STAM: variants seen among roughly 807,000 people sequenced by gnomAD.
The protein encoded by STAM is signal transducing adapter molecule 1.
Under a neutral mutation model 63.4 loss-of-function variants are expected in STAM, and 16 were observed. That is an observed-to-expected ratio of 0.25 (90% CI 0.17 to 0.38). STAM has a LOEUF of 0.38. STAM is among the 10% of genes least tolerant of loss of function. The pLI, the probability that STAM is intolerant of heterozygous loss-of-function variation, is 1.00. For synonymous variants in STAM, 238 were observed against 223.9 expected (o/e 1.06, Z -0.56); for missense variants, 636 against 657.1 (o/e 0.97, Z 0.35).
At position 17,691,906 on chromosome 10, in the gene STAM, A is replaced by T. The variant is rs151234858; in HGVS notation, c.445-1316A>T. 7.6e-4 allele frequency among the ~76,000 whole-genome samples: 116 copies of T among 152,334 alleles called. 1 individual carries two copies. Among genetic ancestry groups the T allele is most frequent in the Admixed American group, 3.3e-3 (50 of 15,310 alleles). ...GTTAATATTTGATGTAAAATATAGC[A>T]ACTTTGCATCTGTAGAGGTCTGTTT... On this transcript the variant is annotated intron_variant, in intron 5 of 13. Coordinates refer to ENST00000377524, the MANE Select transcript of STAM (RefSeq NM_003473.4).
chr10:17,662,552 A>G (rs1834214400), intron 2 of STAM, among the ~76,000 whole-genome samples: 3 of 152,214 alleles, frequency 2.0e-5, no homozygotes, highest in Non-Finnish European at 4.4e-5. Context: ...AGATTTGTAG[A>G]ATGAATGGTC....
chr10:17,703,008 C>CAAAAAAAAAAA (rs71507229), intron 9 of STAM, among the ~76,000 whole-genome samples: 15 of 67,758 alleles, frequency 2.2e-4, no homozygotes, highest in Non-Finnish European at 3.6e-4. Context: ...GACTCCATCT[C>CAAAAAAAAAAA]AAAAAAAAAA....
intron 4 of STAM, among the ~76,000 whole-genome samples, chr10:17,686,535 C>T (rs898570236): frequency 6.6e-6 from 1 of 152,096 alleles, no homozygotes; most frequent in Non-Finnish European, 1.5e-5. Context: ...CGCCACCACG[C>T]CTGGCTGGTT....
Position 17,644,242 on chromosome 10 carries a change from T to C in STAM, c.-98T>C. The C allele has an allele frequency of 7.5e-7, 1 of 1,332,682 alleles. No homozygotes were observed. The highest frequency in any genetic ancestry group is 1.1e-6 in the Non-Finnish European group (1 of 931,852). The allele number at this position is 1,332,682 out of a possible 1,614,324, so 82.6% of individuals were successfully genotyped here. A position where few individuals can be genotyped will look rare whatever the true frequency, so the allele number is the denominator to read the frequency against. On this transcript the variant is annotated 5_prime_UTR_variant, in exon 1 of 14. Transcript: ENST00000377524. ...GCGGACCCTGTAGAGTCGGTCTCTG[T>C]TGCTCTTTTTGCCTGAGGAGTCTTC...
At chr10:17,664,009 ATATAT>A (rs1834278139) in intron 2 of STAM, among the ~76,000 whole-genome samples, 1 of 152,024 alleles carries the variant, frequency 6.6e-6, no homozygotes, top group Admixed American at 6.6e-5. Flanking sequence ...TTAAGGAAAA[ATATAT>A]TAGTATTATA....
intron 6 of STAM, 25 bp from the exon 7 acceptor site, chr10:17,695,024 T>C: frequency 1.2e-6 from 2 of 1,605,420 alleles, no homozygotes; most frequent in Non-Finnish European, 1.7e-6. Flanking sequence ...ACATTTTGGG[T>C]CTTTAAAAAC....
rs577831311 is a variant in STAM at position 17,654,987 on chromosome 10, C to T, written c.41-5477C>T. On this transcript the variant is annotated intron_variant, in intron 1 of 13. Coordinates refer to ENST00000377524, the MANE Select transcript of STAM (RefSeq NM_003473.4). Reference sequence around the variant, plus strand: ...CTTCTTTTCTGTTTTGATGACTTTACTTTTTACTTTATTCACTTAATTAGA... The same window carrying T: ...CTTCTTTTCTGTTTTGATGACTTTATTTTTTACTTTATTCACTTAATTAGA... Among the ~76,000 whole-genome samples, 4 of 152,272 alleles carry T rather than the reference C, an allele frequency of 2.6e-5. No individual in the cohort carries two copies. In the South Asian group the frequency reaches 8.3e-4, roughly 32 times the overall value.
chr10:17,683,913 C>G (rs142490294), intron 2 of STAM, among the ~76,000 whole-genome samples: 1 of 152,224 alleles, frequency 6.6e-6, no homozygotes, highest in East Asian at 1.9e-4. Context: ...GAGTATTGGA[C>G]TTTATTTTTT....
At chr10:17,665,902 TAGTGA>T (rs1200636996) in intron 2 of STAM, among the ~76,000 whole-genome samples, 1 of 152,162 alleles carries the variant, frequency 6.6e-6, no homozygotes, top group Non-Finnish European at 1.5e-5. Context: ...TGTGAGTAAC[TAGTGA>T]AGAATGCCCA....
chr10:17,678,977 A>G (rs1367043042), intron 2 of STAM, among the ~76,000 whole-genome samples: 1 of 152,328 alleles, frequency 6.6e-6, no homozygotes, highest in African/African-American at 2.4e-5. Flanking sequence ...TTAAGGCTGA[A>G]TACTATTCCA....
chr10:17,713,346 C>G (rs1348582457), intron 13 of STAM, among the ~76,000 whole-genome samples: 13 of 152,184 alleles, frequency 8.5e-5, no homozygotes, highest in African/African-American at 3.1e-4. Flanking sequence ...ATGCGTATTT[C>G]TCCTCCGTAC....
Position 17,644,283 on chromosome 10 carries a change from T to C in STAM, c.-57T>C, listed in dbSNP as rs375313229. The C allele has an allele frequency of 2.3e-4, 364 of 1,599,322 alleles. 3 individuals carry two copies. The highest frequency in any genetic ancestry group is 2.0e-3 in the Middle Eastern group (12 of 6,028). On this transcript the variant is annotated 5_prime_UTR_variant, in exon 1 of 14. Transcript: ENST00000377524. ...AGGAGTCTTCCATCCTACGTCGAGC[T>C]CTGACTCCCGTGCTGTCGAGAGGGA...
At position 17,673,859 on chromosome 10, in the gene STAM, A is replaced by G. The variant is rs921568944; in HGVS notation, c.126-10816A>G. 2.6e-5 allele frequency among the ~76,000 whole-genome samples: 4 copies of G among 152,320 alleles called. No homozygotes were observed. In the South Asian group the frequency reaches 8.3e-4, roughly 32 times the overall value. On this transcript the variant is annotated intron_variant, in intron 2 of 13. Coordinates refer to ENST00000377524, the MANE Select transcript of STAM (RefSeq NM_003473.4). The stretch of plus-strand genomic sequence containing the variant: ...ACTATTATCTGACAGATTTAGTTCA[A>G]TATTTGAGTTTGCAGGAGGAATACC...
At chr10:17,674,616 A>G (rs1185032236) in intron 2 of STAM, among the ~76,000 whole-genome samples, 2 of 152,222 alleles carry the variant, frequency 1.3e-5, no homozygotes, top group Non-Finnish European at 2.9e-5. Context: ...AATGTACTCC[A>G]CATGGCTTCT....
intron 1 of STAM, among the ~76,000 whole-genome samples, chr10:17,648,182 G>C (rs1554821124): frequency 1.3e-5 from 2 of 152,176 alleles, no homozygotes; most frequent in African/African-American, 4.8e-5. Context: ...TGGACTTCCT[G>C]GGTCAAGTGG....
chr10:17,658,569 G>A (rs1036617908), intron 1 of STAM, among the ~76,000 whole-genome samples: 2 of 152,058 alleles, frequency 1.3e-5, no homozygotes, highest in African/African-American at 4.8e-5. Context: ...GGAGTGCAGT[G>A]GTGCAATCTT....
At chr10:17,707,241 C>G (rs1171468463) in intron 12 of STAM, among the ~76,000 whole-genome samples, 2 of 152,010 alleles carry the variant, frequency 1.3e-5, no homozygotes, top group African/African-American at 2.4e-5. Context: ...AACCCTGTCT[C>G]TGCTCAAAAT....
In STAM at chr10:17,686,006, TAGTTCCAGGTTACAGTAGAAAAATAGC is replaced by T. The variant is rs1282977131; in HGVS notation, c.297+1083_297+1109del. ...GCCTCATGTTTTTGGGAAAAATGAATAGTTCCAGGTTACAGTAGAAAAATAGCAGTATAGAAATATAGTAAGAATGTA... is the reference window on the plus strand; with the variant it reads ...GCCTCATGTTTTTGGGAAAAATGAATAGTATAGAAATATAGTAAGAATGTA... On this transcript the variant is annotated intron_variant, in intron 4 of 13. Coordinates refer to ENST00000377524, the MANE Select transcript of STAM (RefSeq NM_003473.4). Among the ~76,000 whole-genome samples the T allele has an allele frequency of 2.2e-4, 34 of 152,312 alleles. 2 individuals carry two copies. In the South Asian group the frequency reaches 6.8e-3, roughly 31 times the overall value.
chr10:17,708,721 C>A, intron 12 of STAM, 55 bp from the exon 13 acceptor site: 2 of 1,506,960 alleles, frequency 1.3e-6, no homozygotes, highest in South Asian at 1.3e-5. Context: ...AGAGAAAGTT[C>A]AGTATGCTTA....
Sources: allele counts gnomAD v4.1 joint callset (sites outside exome capture counted in the v4.1 genomes callset), GRCh38; gene constraint gnomAD v4.1.1; transcripts MANE v1.5; gene names NCBI Gene and HGNC (gene_info 2026-07-23, HGNC 2026-07-21).